The following G2E3 variants were observed in gnomAD, a reference collection of about 807,000 sequenced individuals.
G2E3 encodes G2/M-phase specific E3 ubiquitin protein ligase.
Under a neutral mutation model 92.8 loss-of-function variants are expected in G2E3, and 35 were observed. The ratio of observed to expected loss-of-function variants is 0.38; its 90% CI spans 0.29 to 0.50. The LOEUF (loss-of-function observed/expected upper bound fraction) is 0.50. Among genes scored for constraint, G2E3 ranks in the 20% least tolerant of loss-of-function variants. The probability of loss-of-function intolerance (pLI) is 0.94; values close to 1 mark genes in which losing one functional copy is unlikely to be tolerated. For missense variants in G2E3, 554 were observed against 823.8 expected, an observed-to-expected ratio of 0.67 and a Z score of 4.01; for synonymous variants, 242 against 272.4, an observed-to-expected ratio of 0.89 and a Z score of 1.10.
At chr14:30,614,495 C>G (rs1882227416) in intron 13 of G2E3, among the ~76,000 whole-genome samples, 1 of 152,316 alleles carries the variant, frequency 6.6e-6, no homozygotes, top group African/African-American at 2.4e-5. Context: ...CTCACTCCCA[C>G]AATAATGATA....
chr14:30,599,538 T>C (rs1362548278), intron 8 of G2E3, among the ~76,000 whole-genome samples: 2 of 152,110 alleles, frequency 1.3e-5, no homozygotes, highest in Non-Finnish European at 1.5e-5. Context: ...TAATTACCTC[T>C]TAAAAGGCCT....
intron 1 of G2E3, among the ~76,000 whole-genome samples, chr14:30,568,886 G>C (rs1201772264): frequency 6.6e-6 from 1 of 151,960 alleles, no homozygotes; most frequent in African/African-American, 2.4e-5. Flanking sequence ...TACCTTTACT[G>C]GTGTTTTTAT....
chr14:30,580,746 A>G, intron 1 of G2E3: 1 of 185,990 alleles, frequency 5.4e-6, no homozygotes, highest in South Asian at 1.6e-4. Context: ...GTCCAGATGG[A>G]AATTTGAAAG....
At chr14:30,575,832 A>G (rs1880052003) in intron 1 of G2E3, among the ~76,000 whole-genome samples, 1 of 152,196 alleles carries the variant, frequency 6.6e-6, no homozygotes, top group Admixed American at 6.5e-5. Flanking sequence ...GATCTCTACA[A>G]TGAGAATTAC....
intron 1 of G2E3, among the ~76,000 whole-genome samples, chr14:30,564,488 A>G (rs1879313001): frequency 6.6e-6 from 1 of 152,130 alleles, no homozygotes. Context: ...ATTTGCCACC[A>G]AGACTGGCTA....
chr14:30,608,176 G>T, intron 12 of G2E3, 107 bp downstream of exon 12: 1 of 640,518 alleles, frequency 1.6e-6, no homozygotes, highest in South Asian at 3.1e-5. Flanking sequence ...AAGGAGTTAG[G>T]GATTGTAAAC....
At chr14:30,611,610 T>C (rs1277302894) in intron 12 of G2E3, 1 of 152,176 alleles carries the variant, frequency 6.6e-6, no homozygotes, top group Non-Finnish European at 1.5e-5. Flanking sequence ...TCATGAATTC[T>C]CAGGTCATCT....
chr14:30,598,366 G>A (rs1023413713), intron 7 of G2E3, 117 bp from the exon 8 acceptor site: 9 of 673,978 alleles, frequency 1.3e-5, no homozygotes, highest in South Asian at 5.0e-5. Context: ...CAGCCTGGGC[G>A]AAAGAGCAAG....
At chr14:30,560,990 A>G (rs1266125915) in intron 1 of G2E3, 14 of 597,292 alleles carry the variant, frequency 2.3e-5, no homozygotes, top group Non-Finnish European at 3.0e-6. Flanking sequence ...GACCCTGGGC[A>G]AGCTGTTTAA....
chr14:30,575,212 G>C (rs1015405335), intron 1 of G2E3, among the ~76,000 whole-genome samples: 1 of 151,994 alleles, frequency 6.6e-6, no homozygotes, highest in African/African-American at 2.4e-5. Context: ...TGTTGGTCGC[G>C]TATATGTCTT....
Position 30,617,424 on chromosome 14 carries a change from A to G in G2E3, c.*890A>G, listed in dbSNP as rs12323506. ...TGTTGTTGTTGTTGTTGTTGTTTGTATCCTATGTTTGGTATTCTGTATGTC... is the reference window on the plus strand; with the variant it reads ...TGTTGTTGTTGTTGTTGTTGTTTGTGTCCTATGTTTGGTATTCTGTATGTC... On this transcript the variant is annotated 3_prime_UTR_variant, in exon 15 of 15. Coordinates refer to ENST00000206595, the MANE Select transcript of G2E3 (RefSeq NM_017769.5). The G allele has an allele frequency of 2.6e-5, 4 of 151,736 alleles. No homozygotes were observed. Among genetic ancestry groups the G allele is most frequent in the African/African-American group, 9.7e-5 (4 of 41,164 alleles). 9.4% of individuals were successfully genotyped at this position (151,736 alleles called of 1,614,324 possible).
At chr14:30,560,706 T>G (rs79044385) in intron 1 of G2E3, 26,850 of 652,320 alleles carry the variant, frequency 0.041, 685 homozygotes, top group Middle Eastern at 0.066. Flanking sequence ...CTTAAATCAG[T>G]GAGTTTCAGA....
In G2E3 at chr14:30,586,788, G is replaced by A; in HGVS notation, c.108G>A (p.Trp36Ter). 1 of 1,364,628 alleles carries A rather than the reference G, an allele frequency of 7.3e-7. No individual in the cohort carries two copies. The highest frequency in any genetic ancestry group is 1.4e-5 in the South Asian group (1 of 72,476). 84.5% of individuals were successfully genotyped at this position (1,364,628 alleles called of 1,614,324 possible). Residue 36 changes from tryptophan to a stop codon, truncating the protein, a stop_gained, in exon 3 of 15, where the codon TGG becomes TGA. Transcript: ENST00000206595. LOFTEE classifies it high-confidence loss of function. ...KYGEKKTKEK[W>*]NLTVHYYCLL... is the part of the protein sequence containing the mutation. ...GAGAAAAGAAAACTAAGGAGAAATGGAATCTCACTGTACATTACTACTGTT... is the reference window on the plus strand; with the variant it reads ...GAGAAAAGAAAACTAAGGAGAAATGAAATCTCACTGTACATTACTACTGTT...
chr14:30,581,701 C>CA (rs200886727), intron 2 of G2E3, among the ~76,000 whole-genome samples: 1,986 of 151,640 alleles, frequency 0.013, 40 homozygotes, highest in African/African-American at 0.045. Flanking sequence ...GACCCTGTAT[C>CA]AAAAAAAAGA....
chr14:30,608,007 G>A lies in G2E3; in HGVS notation c.1438G>A (p.Glu480Lys), dbSNP rs1044306163. Residue 480 changes from glutamate to lysine, a missense_variant, in exon 12 of 15, where the codon GAA (glutamate) becomes AAA (lysine). Transcript: ENST00000206595. ...GTTTAACTGCCTTGTTTATGGACCA[G>A]AAAATACCCAGCCAATTTTAGATGA... Reference protein sequence around the residue: ...TLFNCLVYGPENTQPILDDVS... With the variant: ...TLFNCLVYGPKNTQPILDDVS... The A allele has an allele frequency of 6.2e-7, 1 of 1,603,992 alleles. No homozygotes were observed. The highest frequency in any genetic ancestry group is 8.5e-7 in the Non-Finnish European group (1 of 1,176,494).
At position 30,617,127 on chromosome 14, in the gene G2E3, G is replaced by A. The variant is rs1380902737; in HGVS notation, c.*593G>A. On this transcript the variant is annotated 3_prime_UTR_variant, in exon 15 of 15. Coordinates refer to ENST00000206595, the MANE Select transcript of G2E3 (RefSeq NM_017769.5). ...CCACACTGCAATTAGATTATGCCTA[G>A]TGGGAAGTATTATATAAAAAGCAGA... The A allele has an allele frequency of 6.6e-6, 1 of 152,076 alleles. No individual in the cohort carries two copies. The highest frequency in any genetic ancestry group is 1.5e-5 in the Non-Finnish European group (1 of 68,004). 9.4% of individuals were successfully genotyped at this position (152,076 alleles called of 1,614,324 possible).
intron 6 of G2E3, among the ~76,000 whole-genome samples, chr14:30,594,547 G>A (rs1043386059): frequency 1.1e-4 from 17 of 151,712 alleles, no homozygotes; most frequent in Admixed American, 1.1e-3. Context: ...AAAAAAATTA[G>A]CCGGGCATGG....
intron 6 of G2E3, among the ~76,000 whole-genome samples, chr14:30,594,910 C>T (rs1435386617): frequency 2.6e-5 from 4 of 151,154 alleles, no homozygotes; most frequent in African/African-American, 9.7e-5. Flanking sequence ...GGGCGGATCA[C>T]CTGAGGTCAG....
chr14:30,569,712 A>G (rs1243197972), intron 1 of G2E3, among the ~76,000 whole-genome samples: 1 of 152,148 alleles, frequency 6.6e-6, no homozygotes, highest in East Asian at 1.9e-4. Context: ...AGACCTGCCC[A>G]CGAAGTCAGG....
Sources: gnomAD v4.1 joint callset for allele counts (sites outside exome capture counted in the v4.1 genomes callset) on GRCh38, gnomAD v4.1.1 for gene constraint, MANE v1.5 for transcripts, NCBI Gene and HGNC (gene_info 2026-07-23, HGNC 2026-07-21) for gene names.